Variants in PTPRU observed in about 807,000 individuals in gnomAD.
The protein encoded by PTPRU is protein tyrosine phosphatase receptor type U, also known as receptor-type tyrosine-protein phosphatase U.
A neutral mutation model predicts 166.3 loss-of-function variants in PTPRU; 69 were observed. The observed-to-expected ratio is 0.41, with a 90% CI of 0.34 to 0.51. PTPRU has a LOEUF of 0.51. Ranked by LOEUF, PTPRU falls within the 20% of genes least tolerant of loss-of-function variation. PTPRU has a pLI of 0.09. For missense variants in PTPRU, 1,657 were observed against 2,013.7 expected (o/e 0.82, Z 3.39); for synonymous variants, 793 against 814.0 (o/e 0.97, Z 0.44).
At chr1:29,273,994 C>G (rs1323924840) in intron 7 of PTPRU, among the ~76,000 whole-genome samples, 1 of 152,146 alleles carries the variant, frequency 6.6e-6, no homozygotes, top group African/African-American at 2.4e-5. Flanking sequence ...AATAATAGCA[C>G]TTGTCTCACT....
In PTPRU at chr1:29,317,915, G is replaced by C; in HGVS notation, c.3681G>C (p.Leu1227=). ...GDSNNYINAA[L]TDSYTRSAAF... is the part of the protein sequence containing the mutation. The stretch of plus-strand genomic sequence containing the variant: ...CCAACAACTACATTAATGCAGCCCT[G>C]ACTGACGTGAGAGCTTGGGGTGGAG... Residue 1227 remains leucine (L), a synonymous_variant, in exon 25 of 30, where the codon CTG becomes CTC. Transcript: ENST00000373779. This position sits in a 1 kb window ranked among gnomAD's most constrained non-coding sequence, Gnocchi z 5.6. The C allele has an allele frequency of 6.2e-7, 1 of 1,613,838 alleles. No homozygotes were observed. The highest frequency in any genetic ancestry group is 8.5e-7 in the Non-Finnish European group (1 of 1,180,010).
chr1:29,285,727 C>G (rs1353298766), intron 14 of PTPRU, among the ~76,000 whole-genome samples: 1 of 152,198 alleles, frequency 6.6e-6, no homozygotes, highest in African/African-American at 2.4e-5. Context: ...GAAAACCCTT[C>G]CCTGGGAGCC....
Position 29,255,405 on chromosome 1 carries a change from C to T in PTPRU, c.204C>T (p.His68=), listed in dbSNP as rs764581026. ...PGTRAPADLP[H]GSYLMVNTSQ... ...CCCGGGCACCTGCGGACCTGCCCCA[C>T]GGTAAGTCTACTCTCCATCGCCATT... The change falls in exon 2 of 30, where the codon CAC becomes CAT. Residue 68 remains histidine (H), a splice_region_variant and synonymous_variant. Coordinates refer to ENST00000373779, the MANE Select transcript of PTPRU (RefSeq NM_133178.4). 9 of 1,613,980 alleles carry T rather than the reference C, an allele frequency of 5.6e-6. No individual in the cohort carries two copies. The highest frequency in any genetic ancestry group is 3.3e-5 in the Admixed American group (2 of 59,994).
At chr1:29,263,870 GATTA>G (rs1407492053) in intron 7 of PTPRU, among the ~76,000 whole-genome samples, 1 of 152,084 alleles carries the variant, frequency 6.6e-6, no homozygotes, top group East Asian at 1.9e-4. Context: ...TGAGTTGTAA[GATTA>G]TTTATATATT....
chr1:29,243,188 G>A (rs1262675606), intron 1 of PTPRU, among the ~76,000 whole-genome samples: 2 of 152,076 alleles, frequency 1.3e-5, no homozygotes, highest in Non-Finnish European at 2.9e-5. Context: ...TGAGCCCCCG[G>A]GCCCGGCCCA....
At chr1:29,297,243 C>T (rs1236924648) in intron 15 of PTPRU, among the ~76,000 whole-genome samples, 4 of 151,750 alleles carry the variant, frequency 2.6e-5, no homozygotes, top group South Asian at 2.1e-4. Context: ...TTTGTAGAGA[C>T]GGGGTTTCAC....
In PTPRU at chr1:29,320,437, T is replaced by G; in HGVS notation, c.3688-248T>G. 2.6e-6 allele frequency: 1 copy of G among 391,270 alleles called. No homozygotes were observed. Among genetic ancestry groups the G allele is most frequent in the South Asian group, 1.2e-4 (1 of 8,434 alleles). The allele number at this position is 391,270 out of a possible 1,614,324, so 24.2% of individuals were successfully genotyped here. A position where few individuals can be genotyped will look rare whatever the true frequency, so the allele number is the denominator to read the frequency against. ...ATGCCCAAGCTCCCCTCGCCATACCTTTGGAAACTTTTGCTGTTTAGTTCT... is the reference window on the plus strand; with the variant it reads ...ATGCCCAAGCTCCCCTCGCCATACCGTTGGAAACTTTTGCTGTTTAGTTCT... On this transcript the variant is annotated intron_variant, in intron 25 of 29. Coordinates refer to ENST00000373779, the MANE Select transcript of PTPRU (RefSeq NM_133178.4). This position sits in a 1 kb window ranked among gnomAD's most constrained non-coding sequence, Gnocchi z 5.2.
intron 1 of PTPRU, among the ~76,000 whole-genome samples, chr1:29,241,320 G>A (rs1408913482): frequency 3.3e-5 from 5 of 152,104 alleles, no homozygotes; most frequent in African/African-American, 1.2e-4. Flanking sequence ...GGCTATCCCA[G>A]CATCCCTGGG....
chr1:29,316,293 C>A, intron 24 of PTPRU, 142 bp downstream of exon 24: 1 of 1,033,312 alleles, frequency 9.7e-7, no homozygotes, highest in Admixed American at 2.7e-5. Flanking sequence ...AGCTGAGCTA[C>A]CAGGAAGGAC....
At chr1:29,316,191 G>A in intron 24 of PTPRU, 40 bp downstream of exon 24, 1 of 1,579,176 alleles carries the variant, frequency 6.3e-7, no homozygotes, top group Non-Finnish European at 8.7e-7. Flanking sequence ...GTGTGTGTGT[G>A]TCTGTGTGTG....
chr1:29,312,708 TG>T lies in PTPRU; in HGVS notation c.3227+7del. ...CGGGCCCATTGTCATCCACTGCAGGTGGGGGCACCGGGAATCCCAAGGAGAA... is the reference window on the plus strand; with the variant it reads ...CGGGCCCATTGTCATCCACTGCAGGTGGGGCACCGGGAATCCCAAGGAGAA... On this transcript the variant is annotated splice_donor_region_variant and intron_variant, in intron 22 of 29. Transcript: ENST00000373779. The T allele has an allele frequency of 6.3e-7, 1 of 1,599,088 alleles. No homozygotes were observed. The highest frequency in any genetic ancestry group is 8.6e-7 in the Non-Finnish European group (1 of 1,168,816).
At chr1:29,272,197 C>G (rs1335089838) in intron 7 of PTPRU, among the ~76,000 whole-genome samples, 1 of 152,222 alleles carries the variant, frequency 6.6e-6, no homozygotes, top group African/African-American at 2.4e-5. Flanking sequence ...AGAAAAATCT[C>G]TATGGGCCAG....
At position 29,317,846 on chromosome 1, in the gene PTPRU, G is replaced by C. The variant is rs377688027; in HGVS notation, c.3612G>C (p.Pro1204=). The C allele has an allele frequency of 6.2e-7, 1 of 1,613,818 alleles. No individual in the cohort carries two copies. Among genetic ancestry groups the C allele is most frequent in the Non-Finnish European group, 8.5e-7 (1 of 1,180,022 alleles). The change falls in exon 25 of 30, where the codon CCG becomes CCC. Residue 1204 remains proline, a synonymous_variant. Transcript: ENST00000373779. The surrounding 1 kb of genome is among the most constrained non-coding windows in gnomAD (Gnocchi z 5.6). The stretch of plus-strand genomic sequence containing the variant: ...AGAACCGCAGCATGGACGTCCTGCC[G>C]CCCGACCGCTGCCTGCCCTTCCTCA... ...RDKNRSMDVL[P]PDRCLPFLIS...
rs536406446 is a variant in PTPRU, at chr1:29,251,104, C to A, written c.74-4171C>A. On this transcript the variant is annotated intron_variant, in intron 1 of 29. Coordinates refer to ENST00000373779, the MANE Select transcript of PTPRU (RefSeq NM_133178.4). ...CCCATCTCTACTAAAAATACAAAAA[C>A]AAGCTGGGTATGGTGGCACGTGCCT... Among the ~76,000 whole-genome samples, 3 of 152,264 alleles carry A rather than the reference C, an allele frequency of 2.0e-5. No homozygotes were observed. The East Asian group carries it at 5.8e-4, about 29-fold the overall frequency.
Position 29,236,779 on chromosome 1 carries a change from C to T in PTPRU, c.73+62C>T, listed in dbSNP as rs1040767080. 3.0e-6 allele frequency: 4 copies of T among 1,343,358 alleles called. No homozygotes were observed. Among genetic ancestry groups the T allele is most frequent in the African/African-American group, 3.0e-5 (2 of 65,676 alleles). 83.2% of individuals were successfully genotyped at this position (1,343,358 alleles called of 1,614,324 possible). A position where few individuals can be genotyped will look rare whatever the true frequency, so the allele number is the denominator to read the frequency against. ...GAGCCTCGGGGCCCGTGGCGTAGCT[C>T]GGAAGAAAGTGTGAGTGTTGAGTGA... On this transcript the variant is annotated intron_variant, in intron 1 of 29. Transcript: ENST00000373779. This position sits in a 1 kb window ranked among gnomAD's most constrained non-coding sequence, Gnocchi z 4.6.
At position 29,320,374 on chromosome 1, in the gene PTPRU, G is replaced by A. The variant is rs950953401; in HGVS notation, c.3688-311G>A. 8.3e-5 allele frequency: 25 copies of A among 299,406 alleles called. No homozygotes were observed. The highest frequency in any genetic ancestry group is 5.4e-4 in the African/African-American group (25 of 46,414). The allele number at this position is 299,406 out of a possible 1,614,324, so 18.5% of individuals were successfully genotyped here. A position where few individuals can be genotyped will look rare whatever the true frequency, so the allele number is the denominator to read the frequency against. The stretch of plus-strand genomic sequence containing the variant: ...GCAGATGCCGAAGCGCGGAGGCAGG[G>A]AGTAAGCTCGGCCAGCCTCTGCCTT... On this transcript the variant is annotated intron_variant, in intron 25 of 29. Coordinates refer to ENST00000373779, the MANE Select transcript of PTPRU (RefSeq NM_133178.4). This position sits in a 1 kb window ranked among gnomAD's most constrained non-coding sequence, Gnocchi z 5.2.
At chr1:29,309,729 G>A (rs960106737) in intron 18 of PTPRU, among the ~76,000 whole-genome samples, 1 of 152,182 alleles carries the variant, frequency 6.6e-6, no homozygotes, top group Admixed American at 6.5e-5. Flanking sequence ...TTGCTCAAAG[G>A]CACACAGCTA....
At chr1:29,242,905 T>A (rs1195741551) in intron 1 of PTPRU, among the ~76,000 whole-genome samples, 2 of 151,620 alleles carry the variant, frequency 1.3e-5, no homozygotes, top group Non-Finnish European at 2.9e-5. Flanking sequence ...TCGGTTTCTT[T>A]TTTTTTTTTT....
At chr1:29,249,160 A>ACG (rs1684429915) in intron 1 of PTPRU, among the ~76,000 whole-genome samples, 1 of 87,778 alleles carries the variant, frequency 1.1e-5, no homozygotes, top group Non-Finnish European at 2.9e-5. Context: ...GCACGTGTGC[A>ACG]CACACACACA....
Sources: gnomAD v4.1 joint callset for allele counts (sites outside exome capture counted in the v4.1 genomes callset) on GRCh38, gnomAD v4.1.1 for gene constraint, Gnocchi (gnomAD v3.1) non-coding constraint, MANE v1.5 for transcripts, NCBI Gene and HGNC (gene_info 2026-07-23, HGNC 2026-07-21) for gene names.